The following ITFG2 variants were observed in gnomAD, a reference collection of about 807,000 sequenced individuals.
ITFG2 encodes KICSTOR complex protein ITFG2.
In ITFG2, 36 loss-of-function variants were observed where a neutral mutation model predicts 54.4. That is an observed-to-expected ratio of 0.66 (90% CI 0.51 to 0.87). The LOEUF (loss-of-function observed/expected upper bound fraction) is 0.87. ITFG2 is among the 40% of genes least tolerant of loss of function. The pLI is 0.00. For synonymous variants in ITFG2, 211 were observed against 225.4 expected, an observed-to-expected ratio of 0.94 and a Z score of 0.57; for missense variants, 524 against 576.7, an observed-to-expected ratio of 0.91 and a Z score of 0.94.
chr12:2,847,832 T>A (rs2098057745), intron 2 of ITFG2, among the ~76,000 whole-genome samples: 2 of 152,218 alleles, frequency 1.3e-5, no homozygotes, highest in South Asian at 4.1e-4. Context: ...GTCTGGCTTC[T>A]TTCACTCAGC....
chr12:2,854,745 G>A (rs1222651984), intron 2 of ITFG2: 15 of 804,036 alleles, frequency 1.9e-5, no homozygotes, highest in East Asian at 5.4e-5. Flanking sequence ...TCTCCACCTC[G>A]TCCTTCCAGC....
rs115831638 is a variant in ITFG2, at chr12:2,813,719, G to T, written c.96+863G>T. On this transcript the variant is annotated intron_variant, in intron 1 of 11. Transcript: ENST00000228799. The stretch of plus-strand genomic sequence containing the variant: ...TACCCTCTGCCCTATCTTCCTACTC[G>T]GCCTCCCTGCTTCACAGTTCCTTAA... 6.1e-3 allele frequency among the ~76,000 whole-genome samples: 933 copies of T among 151,856 alleles called. 9 individuals are homozygous for T. The highest frequency in any genetic ancestry group is 0.02 in the African/African-American group (833 of 41,374).
At chr12:2,851,537 T>A (rs1188113651) in intron 2 of ITFG2, among the ~76,000 whole-genome samples, 1 of 151,812 alleles carries the variant, frequency 6.6e-6, no homozygotes, top group Non-Finnish European at 1.5e-5. Flanking sequence ...GAGACAGGGT[T>A]TCGCCATGGT....
chr12:2,859,317 C>A (rs2098103187), intron 3 of ITFG2: 1 of 1,613,438 alleles, frequency 6.2e-7, no homozygotes, highest in African/African-American at 1.3e-5. Context: ...CCTCTCCCTC[C>A]TCTCCCTGTG....
rs762761835 is a variant in ITFG2, at chr12:2,824,285, C to T, written c.*92C>T. 7.7e-7 allele frequency: 1 copy of T among 1,299,448 alleles called. No individual in the cohort carries two copies. Among genetic ancestry groups the T allele is most frequent in the Admixed American group, 1.8e-5 (1 of 55,862 alleles). The allele number at this position is 1,299,448 out of a possible 1,614,324, so 80.5% of individuals were successfully genotyped here. On this transcript the variant is annotated 3_prime_UTR_variant, in exon 12 of 12. Coordinates refer to ENST00000228799, the MANE Select transcript of ITFG2 (RefSeq NM_018463.4). The stretch of plus-strand genomic sequence containing the variant: ...TGGTATTGGCAGGATAGGGAATATG[C>T]ATTACAGAAATGCAGGATTTGACTC...
At position 2,816,031 on chromosome 12, in the gene ITFG2, A is replaced by ATT. The variant is rs35664869; in HGVS notation, c.97-1175_97-1174dup. Among the ~76,000 whole-genome samples the ATT allele has an allele frequency of 4.4e-3, 592 of 133,242 alleles. 2 individuals carry two copies. Among genetic ancestry groups the ATT allele is most frequent in the Non-Finnish European group, 6.7e-3 (415 of 62,106 alleles). The allele number at this position is 133,242 out of a possible 152,430, so 87.4% of individuals were successfully genotyped here. On this transcript the variant is annotated intron_variant, in intron 1 of 11. Transcript: ENST00000228799. ...AGGTGTGCACCACCACACCTGGATA[A>ATT]TTTTTTTTTTTTTTTTTTGAGACAG...
At chr12:2,830,963 C>A (rs572993813), downstream of ITFG2, 7 of 1,283,406 alleles carry the variant, frequency 5.5e-6, no homozygotes, top group African/African-American at 1.0e-4. Flanking sequence ...CCCCACCCCC[C>A]CAGCCCTGAG....
chr12:2,823,102 G>A (rs560072446), intron 10 of ITFG2, among the ~76,000 whole-genome samples, 191 bp downstream of exon 10: 11 of 152,000 alleles, frequency 7.2e-5, no homozygotes, highest in Admixed American at 3.3e-4. Context: ...TTCATTCACC[G>A]TGAGTTCTTC....
chr12:2,818,793 A>AGATCACTTGAGTTCAGGAGTTT (rs2097931005), intron 4 of ITFG2: 1 of 165,436 alleles, frequency 6.0e-6, no homozygotes, highest in Non-Finnish European at 1.3e-5. Flanking sequence ...CAAGGCAGGC[A>AGATCACTTGAGTTCAGGAGTTT]GATCACTTGA....
chr12:2,814,971 T>C (rs531699179), intron 1 of ITFG2, among the ~76,000 whole-genome samples: 223 of 152,046 alleles, frequency 1.5e-3, no homozygotes, highest in Middle Eastern at 0.014. Context: ...AATTAAAAAA[T>C]AAAGATTTTT....
chr12:2,858,550 G>A, intron 3 of ITFG2: 1 of 1,167,034 alleles, frequency 8.6e-7, no homozygotes, highest in South Asian at 1.5e-5. Flanking sequence ...GTCCCTGCCT[G>A]CTGTCCTCAC....
At chr12:2,840,841 G>GA (rs763951897) in the ITFG2 span, 2 of 150,482 alleles carry the variant, frequency 1.3e-5, no homozygotes, top group South Asian at 4.2e-4. Flanking sequence ...TTTTTTTGTA[G>GA]AAAAAAGAGA....
chr12:2,844,054 G>T (rs2098047577), intron 2 of ITFG2, among the ~76,000 whole-genome samples: 1 of 147,322 alleles, frequency 6.8e-6, no homozygotes, highest in African/African-American at 2.6e-5. Context: ...GAGCCCAGGA[G>T]TTCAGCCTGG....
rs1202959377 is a variant in ITFG2 at position 2,820,192 on chromosome 12, G to A, written c.513G>A (p.Leu171=). The stretch of plus-strand genomic sequence containing the variant: ...GTCCTGAACATCTGACAGGGCAGCT[G>A]GTGTCCCTCAAGAAATGGATGCTGG... ...GEGPEHLTGQ[L]VSLKKWMLEG... is the part of the protein sequence containing the mutation. The change falls in exon 5 of 12, where the codon CTG becomes CTA. Residue 171 remains leucine (L), a synonymous_variant. Transcript: ENST00000228799. 1 of 1,612,156 alleles carries A rather than the reference G, an allele frequency of 6.2e-7. No individual in the cohort carries two copies. The highest frequency in any genetic ancestry group is 1.3e-5 in the African/African-American group (1 of 74,844).
rs942293023 is a variant in ITFG2, at chr12:2,843,812, C to CA, written n.300+2828dup. 2.8e-4 allele frequency among the ~76,000 whole-genome samples: 34 copies of CA among 123,206 alleles called. 1 individual carries two copies. The highest frequency in any genetic ancestry group is 3.7e-4 in the East Asian group (1 of 2,668). 80.8% of individuals were successfully genotyped at this position (123,206 alleles called of 152,430 possible). A position where few individuals can be genotyped will look rare whatever the true frequency, so the allele number is the denominator to read the frequency against. The stretch of plus-strand genomic sequence containing the variant: ...TGGGTGACAGAGCGAGACTCCATCT[C>CA]AAAAAAAAAAAGTTCCAACTCTGTC... On this transcript the variant is annotated intron_variant and non_coding_transcript_variant, in intron 2 of 3. Transcript: ENST00000537710.
chr12:2,814,008 A>G (rs1031785413), intron 1 of ITFG2, among the ~76,000 whole-genome samples: 2 of 152,182 alleles, frequency 1.3e-5, no homozygotes, highest in African/African-American at 4.8e-5. Flanking sequence ...CAGTGGTGCA[A>G]TCGTAGCTCA....
chr12:2,850,516 A>G (rs1023631220), intron 2 of ITFG2, among the ~76,000 whole-genome samples: 1 of 150,694 alleles, frequency 6.6e-6, no homozygotes, highest in Admixed American at 6.6e-5. Context: ...GGTCATGATA[A>G]TGGGCTGCCA....
rs886071752 is a variant in ITFG2 at position 2,823,800 on chromosome 12, G to A, written c.1097G>A (p.Ser366Asn). The change falls in exon 11 of 12, where the codon AGC becomes AAC. Residue 366 changes from serine to asparagine, a missense_variant. Transcript: ENST00000228799. ...TACGCCTGCAAAGAGGGCCGCAACA[G>A]CCCCTGCCTCGTATATGTCACTTTC... The part of the protein sequence containing the change: ...GLYACKEGRN[S>N]PCLVYVTFNQ... 6.3e-7 allele frequency: 1 copy of A among 1,589,766 alleles called. No individual in the cohort carries two copies. Among genetic ancestry groups the A allele is most frequent in the Non-Finnish European group, 8.6e-7 (1 of 1,166,260 alleles).
chr12:2,856,208 G>A (rs2098086717), intron 2 of ITFG2, among the ~76,000 whole-genome samples: 1 of 152,198 alleles, frequency 6.6e-6, no homozygotes, highest in Non-Finnish European at 1.5e-5. Context: ...CACACAGGGT[G>A]CTGGTGCCTG....
Sources: gnomAD v4.1 joint callset for allele counts (sites outside exome capture counted in the v4.1 genomes callset) on GRCh38, gnomAD v4.1.1 for gene constraint, MANE v1.5 for transcripts, NCBI Gene and HGNC (gene_info 2026-07-23, HGNC 2026-07-21) for gene names.